Variants in C1QTNF7 observed in about 807,000 individuals in gnomAD.
C1QTNF7 encodes the protein C1q and TNF related 7.
A neutral mutation model predicts 19.6 loss-of-function variants in C1QTNF7; 15 were observed. That is an observed-to-expected ratio of 0.76 (90% CI 0.51 to 1.18). The LOEUF is 1.18. C1QTNF7 is among the 50% of genes most tolerant of loss of function. The pLI, the probability that C1QTNF7 is intolerant of heterozygous loss-of-function variation, is 0.00. For missense variants in C1QTNF7, 324 were observed against 359.7 expected, an observed-to-expected ratio of 0.90 and a Z score of 0.80; for synonymous variants, 142 against 137.5, an observed-to-expected ratio of 1.03 and a Z score of -0.23.
At chr4:15,374,751 G>A (rs1577243082) in intron 1 of C1QTNF7, 1 of 985,176 alleles carries the variant, frequency 1.0e-6, no homozygotes, top group Non-Finnish European at 1.2e-6. Context: ...TCCAGCTGTT[G>A]GAAGGTCTTG....
intron 1 of C1QTNF7, among the ~76,000 whole-genome samples, chr4:15,379,436 C>T (rs1395920200): frequency 6.6e-6 from 1 of 152,168 alleles, no homozygotes; most frequent in African/African-American, 2.4e-5. Flanking sequence ...TAGCTCTGAA[C>T]CATAACTTCA....
At chr4:15,394,447 T>C (rs1173183128) in intron 1 of C1QTNF7, among the ~76,000 whole-genome samples, 1 of 152,218 alleles carries the variant, frequency 6.6e-6, no homozygotes, top group Non-Finnish European at 1.5e-5. Context: ...GAAAAGAGCA[T>C]GTTGCAGAAA....
chr4:15,364,168 T>A lies in C1QTNF7; in HGVS notation c.13+23961T>A, dbSNP rs141114046. ...ACCTTTTCTGTGTCATGTTCTTCTATCTTTTTGGTTGACTCTCTAGAGCTA... is the reference window on the plus strand; with the variant it reads ...ACCTTTTCTGTGTCATGTTCTTCTAACTTTTTGGTTGACTCTCTAGAGCTA... On this transcript the variant is annotated intron_variant, in intron 1 of 2. Transcript: ENST00000295297. Among the ~76,000 whole-genome samples the A allele has an allele frequency of 5.7e-3, 866 of 152,350 alleles. 10 individuals are homozygous for A. Among genetic ancestry groups the A allele is most frequent in the African/African-American group, 0.02 (834 of 41,588 alleles).
chr4:15,351,167 A>G (rs1407079733), intron 1 of C1QTNF7, among the ~76,000 whole-genome samples: 2 of 152,226 alleles, frequency 1.3e-5, no homozygotes, highest in African/African-American at 4.8e-5. Context: ...GGGATATGAA[A>G]CAGAAAAGAA....
chr4:15,409,770 A>G (rs1285795576), intron 1 of C1QTNF7, among the ~76,000 whole-genome samples: 1 of 152,182 alleles, frequency 6.6e-6, no homozygotes, highest in African/African-American at 2.4e-5. Flanking sequence ...TGAGCATCTC[A>G]TCTATGAAAT....
At chr4:15,355,826 C>T (rs1438588142) in intron 1 of C1QTNF7, among the ~76,000 whole-genome samples, 1 of 152,030 alleles carries the variant, frequency 6.6e-6, no homozygotes, top group African/African-American at 2.4e-5. Context: ...GTTCCAAGCC[C>T]TCTGTAATGC....
rs549853086 is a variant in C1QTNF7, at chr4:15,379,157, T to C, written c.13+38950T>C. Among the ~76,000 whole-genome samples the C allele has an allele frequency of 3.3e-5, 5 of 152,342 alleles. No homozygotes were observed. In the South Asian group the frequency reaches 1.0e-3, roughly 32 times the overall value. On this transcript the variant is annotated intron_variant, in intron 1 of 2. Transcript: ENST00000295297. ...TTCCCCAGAATGCAAAGCACATTTT[T>C]TTAATATAATTTTTTTGTAAACAAG...
intron 1 of C1QTNF7, among the ~76,000 whole-genome samples, chr4:15,355,408 T>C (rs777645557): frequency 2.0e-5 from 3 of 152,106 alleles, no homozygotes; most frequent in Non-Finnish European, 2.9e-5. Context: ...ATGGATCATG[T>C]GTTAAACCTC....
upstream of C1QTNF7, among the ~76,000 whole-genome samples, chr4:15,423,735 C>T (rs546742741): frequency 6.6e-6 from 1 of 152,342 alleles, no homozygotes; most frequent in East Asian, 1.9e-4. Context: ...TCAGCATCAT[C>T]CTCTTCCACC....
intron 1 of C1QTNF7, among the ~76,000 whole-genome samples, chr4:15,389,282 C>T (rs2108897712): frequency 6.6e-6 from 1 of 152,170 alleles, no homozygotes; most frequent in East Asian, 1.9e-4. Context: ...GTGATGAGAG[C>T]CCCCAGTGGC....
chr4:15,436,370 G>A (rs1188209055), intron 2 of C1QTNF7, among the ~76,000 whole-genome samples: 1 of 152,212 alleles, frequency 6.6e-6, no homozygotes, highest in Non-Finnish European at 1.5e-5. Flanking sequence ...ATGTGCAAGC[G>A]CATGGATGGA....
chr4:15,428,670 T>C (rs770995073), intron 1 of C1QTNF7, among the ~76,000 whole-genome samples: 1 of 151,912 alleles, frequency 6.6e-6, no homozygotes, highest in Non-Finnish European at 1.5e-5. Flanking sequence ...CAGAGGAAAA[T>C]TGGAGCCCCC....
intron 1 of C1QTNF7, among the ~76,000 whole-genome samples, chr4:15,404,073 A>G (rs1719094979): frequency 6.6e-6 from 1 of 152,172 alleles, no homozygotes; most frequent in Non-Finnish European, 1.5e-5. Flanking sequence ...ATTTAGTCAA[A>G]TGGATTCACC....
rs775906200 is a variant in C1QTNF7 at position 15,435,955 on chromosome 4, G to A, written c.212G>A (p.Gly71Glu). 1.9e-6 allele frequency: 3 copies of A among 1,613,920 alleles called. No individual in the cohort carries two copies. Among genetic ancestry groups the A allele is most frequent in the Non-Finnish European group, 2.5e-6 (3 of 1,179,928 alleles). The change falls in exon 2 of 3, where the codon GGA (glycine) becomes GAA (glutamate). Residue 71 changes from glycine (G) to glutamate (E), a missense_variant. By Grantham distance (98) the Gly-to-Glu change is moderately conservative (BLOSUM62 -2). Coordinates refer to ENST00000444304, the MANE Select transcript of C1QTNF7 (RefSeq NM_031911.5). ...AGAGATGGTAGAGACGGCAGGAAAG[G>A]AGAGAAAGGTGAAAAGGGAACTGCA... Reference protein sequence around the residue: ...PGRDGRDGRKGEKGEKGTAGL... With the variant: ...PGRDGRDGRKEEKGEKGTAGL...
intron 1 of C1QTNF7, among the ~76,000 whole-genome samples, chr4:15,378,789 A>G (rs796300324): frequency 8.5e-5 from 13 of 152,234 alleles, no homozygotes; most frequent in African/African-American, 3.1e-4. Context: ...TAGAGTGTAC[A>G]GCTTTTAAAA....
At chr4:15,350,263 GAGGGAGGA>G in intron 1 of C1QTNF7, among the ~76,000 whole-genome samples, 1 of 101,714 alleles carries the variant, frequency 9.8e-6, no homozygotes, top group Non-Finnish European at 2.1e-5. Flanking sequence ...AGGAGAGAGG[GAGGGAGGA>G]AAGAAGGAAG....
chr4:15,345,670 G>C (rs1467092479), intron 1 of C1QTNF7, among the ~76,000 whole-genome samples: 1 of 152,162 alleles, frequency 6.6e-6, no homozygotes, highest in East Asian at 1.9e-4. Context: ...TTTAAATAAG[G>C]TGTTCCGTCA....
Position 15,340,162 on chromosome 4 carries a change from C to T in C1QTNF7, c.-33C>T, listed in dbSNP as rs1244450463. On this transcript the variant is annotated 5_prime_UTR_variant, in exon 1 of 3. Coordinates refer to the C1QTNF7 transcript ENST00000295297. ...TCATGGGACAACCAAAGCAAGAAAG[C>T]CTCATGTTTTGGGGGAAAGTTTGAT... The T allele has an allele frequency of 2.6e-6, 4 of 1,551,026 alleles. No individual in the cohort carries two copies. The African/African-American group carries it at 5.5e-5, about 21-fold the overall frequency.
At chr4:15,363,897 C>G (rs746706725) in intron 1 of C1QTNF7, among the ~76,000 whole-genome samples, 1 of 152,182 alleles carries the variant, frequency 6.6e-6, no homozygotes, top group Admixed American at 6.5e-5. Flanking sequence ...CTGAGCATTG[C>G]TATGTGAGTT....
Sources: gnomAD v4.1 joint callset for allele counts (sites outside exome capture counted in the v4.1 genomes callset) on GRCh38, gnomAD v4.1.1 for gene constraint, MANE v1.5 for transcripts, NCBI Gene and HGNC (gene_info 2026-07-23, HGNC 2026-07-21) for gene names.